The following CC2D1B variants were observed in gnomAD, a reference collection of about 807,000 sequenced individuals.
CC2D1B encodes the protein coiled-coil and C2 domain-containing protein 1B.
A neutral mutation model predicts 110.8 loss-of-function variants in CC2D1B; 92 were observed. The observed-to-expected ratio is 0.83, with a 90% CI of 0.70 to 0.99. The LOEUF (loss-of-function observed/expected upper bound fraction) is 0.99, where lower values mean the gene tolerates loss of function less well. Ranked by LOEUF, CC2D1B falls within the 50% of genes least tolerant of loss-of-function variation. CC2D1B has a pLI of 0.00. For synonymous variants in CC2D1B, 406 were observed against 429.2 expected (o/e 0.95, Z 0.67); for missense variants, 1,136 against 1,089.0 (o/e 1.04, Z -0.61).
chr1:52,359,724 T>G lies in CC2D1B; in HGVS notation c.923A>C (p.Glu308Ala), dbSNP rs1170075692. 3 of 1,605,434 alleles carry G rather than the reference T, an allele frequency of 1.9e-6. No homozygotes were observed. The highest frequency in any genetic ancestry group is 1.7e-5 in the Admixed American group (1 of 58,868). The change falls in exon 8 of 25, where the codon GAG becomes GCG. Residue 308 changes from glutamate (E) to alanine (A), a missense_variant. By Grantham distance (107) the Glu-to-Ala change is moderately radical. Transcript: ENST00000284376. ...CCATACCTTCCCAATCCTCATGAGCTCTCGGGCACGGTCTAGCTCTCCAGC... is the reference window on the plus strand; with the variant it reads ...CCATACCTTCCCAATCCTCATGAGCGCTCGGGCACGGTCTAGCTCTCCAGC... ...KRAGELDRAR[E>A]LMRIGKRFGA...
chr1:52,353,837 C>G, intron 23 of CC2D1B, 190 bp from the exon 24 acceptor site: 1 of 529,058 alleles, frequency 1.9e-6, no homozygotes, highest in Non-Finnish European at 3.3e-6. Context: ...TTAGGTGAGT[C>G]TTATTAAAAA....
intron 18 of CC2D1B, 36 bp from the exon 19 acceptor site, chr1:52,355,880 TGAA>T (rs1485219768): frequency 1.2e-6 from 2 of 1,605,668 alleles, no homozygotes; most frequent in African/African-American, 2.7e-5. Flanking sequence ...TGCTCAAAAG[TGAA>T]GGACAGTAGT....
intron 4 of CC2D1B, 53 bp from the exon 5 acceptor site, chr1:52,361,185 C>T: frequency 1.2e-6 from 2 of 1,602,184 alleles, no homozygotes; most frequent in Admixed American, 1.7e-5. Context: ...ACCATACCCA[C>T]AACAGGACCT....
rs1646605942 is a variant in CC2D1B at position 52,354,702 on chromosome 1, G to A, written c.2340-4C>T. The A allele has an allele frequency of 6.2e-7, 1 of 1,614,030 alleles. No individual in the cohort carries two copies. The highest frequency in any genetic ancestry group is 8.5e-7 in the Non-Finnish European group (1 of 1,179,998). ...CTTGTCGCTTCTGAAGAAGGACCTG[G>A]GGAGTCAAGAGGCAGCAGAGGATTG... On this transcript the variant is annotated splice_region_variant and splice_polypyrimidine_tract_variant and intron_variant, in intron 22 of 24. Coordinates refer to ENST00000284376, the MANE Select transcript of CC2D1B (RefSeq NM_001330585.2).
In CC2D1B at chr1:52,355,847, A is replaced by G; in HGVS notation, c.2055-3T>C. ...TGCTGTTGAGTTCTGAGAAGATCCT[A>G]GAGCCAAGCGGGAAGGAGAAAATGC... On this transcript the variant is annotated splice_polypyrimidine_tract_variant and splice_region_variant and intron_variant, in intron 18 of 24. Transcript: ENST00000284376. The G allele has an allele frequency of 6.2e-7, 1 of 1,614,116 alleles. No individual in the cohort carries two copies. Among genetic ancestry groups the G allele is most frequent in the African/African-American group, 1.3e-5 (1 of 75,050 alleles).
intron 11 of CC2D1B, 93 bp from the exon 12 acceptor site, chr1:52,358,851 T>C: frequency 6.9e-7 from 1 of 1,452,184 alleles, no homozygotes; most frequent in Non-Finnish European, 9.4e-7. Context: ...AGAGGGAGAC[T>C]GGTGGGAAGA....
chr1:52,365,211 C>G (rs1361137474), intron 1 of CC2D1B, among the ~76,000 whole-genome samples: 5 of 152,258 alleles, frequency 3.3e-5, no homozygotes, highest in African/African-American at 9.6e-5. Flanking sequence ...ACAGGACCTC[C>G]TGTGTCAGAC....
At position 52,357,034 on chromosome 1, in the gene CC2D1B, G is replaced by GC; in HGVS notation, c.1844_1845insG (p.Gln616ProfsTer28). Reference sequence around the variant, plus strand: ...GCTCCAGAAGCATTTTTTGCAGCTGGGCATACACCTCCTCCGCCTTCTGGG... The same window carrying GC: ...GCTCCAGAAGCATTTTTTGCAGCTGGCGCATACACCTCCTCCGCCTTCTGGG... On this transcript the variant is annotated frameshift_variant, in exon 16 of 25. Coordinates refer to ENST00000284376, the MANE Select transcript of CC2D1B (RefSeq NM_001330585.2). LOFTEE classifies it high-confidence loss of function. 6.3e-7 allele frequency: 1 copy of GC among 1,580,062 alleles called. No homozygotes were observed. Among genetic ancestry groups the GC allele is most frequent in the South Asian group, 1.2e-5 (1 of 86,812 alleles).
chr1:52,358,740 G>A lies in CC2D1B; in HGVS notation c.1276C>T (p.Arg426Ter), dbSNP rs146508380. 16 of 1,611,434 alleles carry A rather than the reference G, an allele frequency of 9.9e-6. No homozygotes were observed. The highest frequency in any genetic ancestry group is 1.3e-5 in the African/African-American group (1 of 74,758). ...RIAKQYQDAI[R>*]AHRAGRKVNF... ...ACTTTCCGTCCTGCTCGGTGTGCTC[G>A]AATAGCATCTTGATATTGCTGCAAG... Residue 426 changes from arginine to a stop codon, truncating the protein, a stop_gained, in exon 12 of 25, where the codon CGA becomes TGA. Coordinates refer to ENST00000284376, the MANE Select transcript of CC2D1B (RefSeq NM_001330585.2). LOFTEE classifies it high-confidence loss of function.
chr1:52,362,637 T>G lies in CC2D1B; in HGVS notation c.179A>C (p.Gln60Pro), dbSNP rs1390374234. Residue 60 changes from glutamine to proline, a missense_variant, in exon 3 of 25, where the codon CAA becomes CCA. Coordinates refer to ENST00000284376, the MANE Select transcript of CC2D1B (RefSeq NM_001330585.2). ...AELLALTGEA[Q>P]TTGKKPAPKG... ...GGGTGCTGGCTTCTTGCCTGTGGTTTGTGCTTCCCCTGTGAGAGCCAGCAG... is the reference window on the plus strand; with the variant it reads ...GGGTGCTGGCTTCTTGCCTGTGGTTGGTGCTTCCCCTGTGAGAGCCAGCAG... The G allele has an allele frequency of 6.2e-7, 1 of 1,614,196 alleles. No homozygotes were observed. The highest frequency in any genetic ancestry group is 2.2e-5 in the East Asian group (1 of 44,888).
intron 24 of CC2D1B, 91 bp from the exon 25 acceptor site, chr1:52,353,314 G>GAT (rs1171651462): frequency 1.4e-6 from 2 of 1,476,968 alleles, no homozygotes; most frequent in Admixed American, 5.0e-5. Flanking sequence ...TAGATAGATA[G>GAT]ATAGATAGTT....
rs969978460 is a variant in CC2D1B at position 52,350,672 on chromosome 1, A to C, written c.*2553T>G. Reference sequence around the variant, plus strand: ...TGCATTGCATGAGATCAAAGAATTGAAAATTTTAAAATGATTTGGGTTGTA... The same window carrying C: ...TGCATTGCATGAGATCAAAGAATTGCAAATTTTAAAATGATTTGGGTTGTA... On this transcript the variant is annotated 3_prime_UTR_variant, in exon 25 of 25. Coordinates refer to ENST00000284376, the MANE Select transcript of CC2D1B (RefSeq NM_001330585.2). 6.6e-6 allele frequency: 1 copy of C among 152,244 alleles called. No homozygotes were observed. The highest frequency in any genetic ancestry group is 1.5e-5 in the Non-Finnish European group (1 of 68,040). The allele number at this position is 152,244 out of a possible 1,614,324, so 9.4% of individuals were successfully genotyped here.
intron 21 of CC2D1B, 170 bp from the exon 22 acceptor site, chr1:52,355,109 T>G (rs1646619422): frequency 1.6e-6 from 1 of 642,340 alleles, no homozygotes; most frequent in Non-Finnish European, 2.8e-6. Flanking sequence ...AAGTGAGTTT[T>G]TGTACTCTTT....
Position 52,357,839 on chromosome 1 carries a change from T to A in CC2D1B, c.1521A>T (p.Ser507=), listed in dbSNP as rs145955474. The A allele has an allele frequency of 2.5e-6, 4 of 1,593,170 alleles. No homozygotes were observed. The African/African-American group carries it at 5.4e-5, about 21-fold the overall frequency. The change falls in exon 14 of 25, where the codon TCA becomes TCT. Residue 507 remains serine (S), a synonymous_variant. Transcript: ENST00000284376. ...AKKPARPTVP[S]SQRLPEPRAS... ...CCCTGGGCTCAGGCAGGCGCTGGGA[T>A]GAAGGGACTGTGGGCCGTGCAGGTT...
rs118181370 is a variant in CC2D1B at position 52,355,008 on chromosome 1, C to T, written c.2240-69G>A. 7,814 of 1,311,062 alleles carry T rather than the reference C, an allele frequency of 6.0e-3. 121 individuals carry two copies. Among genetic ancestry groups the T allele is most frequent in the South Asian group, 0.038 (3,215 of 83,884 alleles). 81.2% of individuals were successfully genotyped at this position (1,311,062 alleles called of 1,614,324 possible). ...TTTCCTGAGGAAGTGGAAATGGAGG[C>T]CCAGGGCTGGCTGCCTTCCCCCAAT... On this transcript the variant is annotated intron_variant, in intron 21 of 24. Transcript: ENST00000284376.
At chr1:52,356,571 C>T in intron 16 of CC2D1B, 129 bp from the exon 17 acceptor site, 9 of 915,806 alleles carry the variant, frequency 9.8e-6, no homozygotes, top group Non-Finnish European at 1.4e-5. Flanking sequence ...ACAACACAGC[C>T]CCAAGGGCAC....
intron 15 of CC2D1B, 46 bp from the exon 16 acceptor site, chr1:52,357,172 C>T (rs781228685): frequency 1.2e-6 from 2 of 1,605,600 alleles, no homozygotes; most frequent in Non-Finnish European, 8.5e-7. Context: ...TCAGATTACT[C>T]CTCTACCAAG....
In CC2D1B at chr1:52,361,601, G is replaced by A. The variant is rs1646784314; in HGVS notation, c.230C>T (p.Ala77Val). The change falls in exon 4 of 25, where the codon GCC (alanine) becomes GTC (valine). Residue 77 changes from alanine (A) to valine (V), a missense_variant. Physicochemically the swap from Ala to Val is moderately conservative, Grantham distance 64. Coordinates refer to ENST00000284376, the MANE Select transcript of CC2D1B (RefSeq NM_001330585.2). ...GTCTGCCGCCAACTTCTCGATGTGG[G>A]CCATGGGCAGGGGGGCTGGGGGAAA... is the stretch of plus-strand genomic sequence containing the variant. ...APKGQAPLPM[A>V]HIEKLAADCM... The A allele has an allele frequency of 1.9e-6, 3 of 1,613,766 alleles. No homozygotes were observed. The highest frequency in any genetic ancestry group is 2.5e-6 in the Non-Finnish European group (3 of 1,180,010).
At chr1:52,355,559 T>C (rs1569832276) in intron 20 of CC2D1B, 49 bp downstream of exon 20, 1 of 1,611,474 alleles carries the variant, frequency 6.2e-7, no homozygotes, top group East Asian at 2.2e-5. Flanking sequence ...CACAGGGTCC[T>C]GGAATGCAAG....
Sources: allele counts gnomAD v4.1 joint callset (sites outside exome capture counted in the v4.1 genomes callset), GRCh38; gene constraint gnomAD v4.1.1; transcripts MANE v1.5; gene names NCBI Gene and HGNC (gene_info 2026-07-23, HGNC 2026-07-21).